Variants in HHIPL2 observed in about 807,000 individuals in gnomAD.
The protein encoded by HHIPL2 is HHIP like 2.
A neutral mutation model predicts 61.0 loss-of-function variants in HHIPL2; 61 were observed. The ratio of observed to expected loss-of-function variants is 1.00; its 90% CI spans 0.81 to 1.24. The LOEUF (loss-of-function observed/expected upper bound fraction) is 1.24, where lower values mean the gene tolerates loss of function less well. HHIPL2 is among the 50% of genes most tolerant of loss of function. The pLI, the probability that HHIPL2 is intolerant of heterozygous loss-of-function variation, is 0.00. For missense variants in HHIPL2, 885 were observed against 910.2 expected (o/e 0.97, Z 0.36); for synonymous variants, 343 against 357.4 (o/e 0.96, Z 0.45).
intron 5 of HHIPL2, among the ~76,000 whole-genome samples, chr1:222,538,209 T>C (rs1365686935): frequency 1.9e-5 from 1 of 52,992 alleles, no homozygotes; most frequent in Non-Finnish European, 3.8e-5. Context: ...TGTGTGTGTG[T>C]GTGTGTGTGT....
At chr1:222,527,326 C>T (rs979684011) in intron 6 of HHIPL2, among the ~76,000 whole-genome samples, 1 of 152,144 alleles carries the variant, frequency 6.6e-6, no homozygotes, top group African/African-American at 2.4e-5. Flanking sequence ...AACAGGTTTC[C>T]CCCTTATCAC....
intron 5 of HHIPL2, among the ~76,000 whole-genome samples, chr1:222,532,866 G>T (rs927900811): frequency 1.3e-5 from 2 of 152,040 alleles, no homozygotes; most frequent in Non-Finnish European, 2.9e-5. Flanking sequence ...ACTACTAACT[G>T]TTATTATTAT....
At chr1:222,527,117 C>A in intron 6 of HHIPL2, 67 bp from the exon 7 acceptor site, 1 of 1,260,076 alleles carries the variant, frequency 7.9e-7, no homozygotes, top group Non-Finnish European at 1.1e-6. Context: ...GAGTTGGATG[C>A]ACAGAAAATG....
At chr1:222,547,137 G>A (rs1659571474) in intron 1 of HHIPL2, among the ~76,000 whole-genome samples, 1 of 152,174 alleles carries the variant, frequency 6.6e-6, no homozygotes, top group East Asian at 1.9e-4. Flanking sequence ...TGGGCAACCA[G>A]GAGAAGCAGA....
intron 2 of HHIPL2, 149 bp downstream of exon 2, chr1:222,543,388 T>C: frequency 2.6e-6 from 2 of 771,712 alleles, no homozygotes; most frequent in Non-Finnish European, 4.3e-6. Context: ...AGAGGCTAAC[T>C]TGGGCCGTTC....
Position 222,544,462 on chromosome 1 carries a change from T to C in HHIPL2, c.322-273A>G, listed in dbSNP as rs534011922. On this transcript the variant is annotated intron_variant, in intron 1 of 8. Transcript: ENST00000343410. The stretch of plus-strand genomic sequence containing the variant: ...TGACATTTAAAGTTTTATTAAATGA[T>C]GCATGAATATTTTTTCAAAAAGATA... Among the ~76,000 whole-genome samples, 12 of 152,360 alleles carry C rather than the reference T, an allele frequency of 7.9e-5. No homozygotes were observed. The South Asian group carries it at 2.5e-3, about 32-fold the overall frequency.
At position 222,523,615 on chromosome 1, in the gene HHIPL2, C is replaced by T. The variant is rs774697746; in HGVS notation, c.1885G>A (p.Ala629Thr). The change falls in exon 8 of 9, where the codon GCC becomes ACC. Residue 629 changes from alanine to threonine, a missense_variant. Physicochemically the swap from Ala to Thr is moderately conservative, Grantham distance 58. Coordinates refer to ENST00000343410, the MANE Select transcript of HHIPL2 (RefSeq NM_024746.4). ...TAAGACTCAAAGATGGACTCACTGGCGAGTGGTCTGAACGGGATCCGCTTA... is the reference window on the plus strand; with the variant it reads ...TAAGACTCAAAGATGGACTCACTGGTGAGTGGTCTGAACGGGATCCGCTTA... The part of the protein sequence containing the change: ...KSKRIPFRPL[A>T]KTVLDLLKEQ... The T allele has an allele frequency of 5.6e-6, 9 of 1,613,930 alleles. No homozygotes were observed. In the East Asian group the frequency reaches 6.7e-5, roughly 12 times the overall value.
chr1:222,541,500 T>C (rs1322343971), intron 3 of HHIPL2, among the ~76,000 whole-genome samples: 1 of 152,200 alleles, frequency 6.6e-6, no homozygotes, highest in South Asian at 2.1e-4. Context: ...CTGTCCTGAG[T>C]GCTGGTGATA....
intron 6 of HHIPL2, among the ~76,000 whole-genome samples, chr1:222,531,759 TA>T (rs1456301076): frequency 6.6e-6 from 1 of 151,996 alleles, no homozygotes; most frequent in East Asian, 1.9e-4. Flanking sequence ...AAATAAAAAA[TA>T]ATTATATCGT....
chr1:222,533,911 G>T (rs74148120), intron 5 of HHIPL2, among the ~76,000 whole-genome samples: 1,769 of 152,308 alleles, frequency 0.012, 28 homozygotes, highest in African/African-American at 0.04. Context: ...AAGAATGCCA[G>T]AGAGCTGCAA....
chr1:222,540,073 CAT>C lies in HHIPL2; in HGVS notation c.1385_1386del (p.Tyr462TrpfsTer12). On this transcript the variant is annotated frameshift_variant, in exon 4 of 9. Coordinates refer to ENST00000343410, the MANE Select transcript of HHIPL2 (RefSeq NM_024746.4). LOFTEE classifies it high-confidence loss of function. ...GCAAACCCTTCCTTTGCTCTCCAGCCATAGTTTCCACCTTTCAAAATGAGGTC... is the reference window on the plus strand; with the variant it reads ...GCAAACCCTTCCTTTGCTCTCCAGCCAGTTTCCACCTTTCAAAATGAGGTC... ...EVDLILKGGN[Y>X]GWRAKEGFAC... 6.2e-7 allele frequency: 1 copy of C among 1,614,270 alleles called. No homozygotes were observed. The highest frequency in any genetic ancestry group is 1.1e-5 in the South Asian group (1 of 91,088).
rs367949229 is a variant in HHIPL2, at chr1:222,543,416, C to T, written c.974+121G>A. Reference sequence around the variant, plus strand: ...GGCCGTTCTCAATCCACAGTGACTCCTTTCTCAACAGTTCGAGTAGTGCTC... The same window carrying T: ...GGCCGTTCTCAATCCACAGTGACTCTTTTCTCAACAGTTCGAGTAGTGCTC... On this transcript the variant is annotated intron_variant, in intron 2 of 8. Coordinates refer to ENST00000343410, the MANE Select transcript of HHIPL2 (RefSeq NM_024746.4). 5.9e-6 allele frequency: 6 copies of T among 1,021,548 alleles called. No homozygotes were observed. In the South Asian group the frequency reaches 9.6e-5, roughly 16 times the overall value. 63.3% of individuals were successfully genotyped at this position (1,021,548 alleles called of 1,614,324 possible).
At chr1:222,543,135 C>T (rs544821611) in intron 2 of HHIPL2, among the ~76,000 whole-genome samples, 2 of 152,330 alleles carry the variant, frequency 1.3e-5, no homozygotes, top group South Asian at 2.1e-4. Flanking sequence ...AGCTTGATGG[C>T]CTTGTGCCAC....
chr1:222,526,991 A>G lies in HHIPL2; in HGVS notation c.1783T>C (p.Tyr595His). 1 of 1,613,620 alleles carries G rather than the reference A, an allele frequency of 6.2e-7. No individual in the cohort carries two copies. Among genetic ancestry groups the G allele is most frequent in the Non-Finnish European group, 8.5e-7 (1 of 1,179,766 alleles). ...PSAYAPRGSI[Y>H]KFVDPSRRAP... ...CACCTTGAGGGGTCAACAAACTTGT[A>G]AATAGATCCACGTGGTGCATAGGCA... is the stretch of plus-strand genomic sequence containing the variant. Residue 595 changes from tyrosine to histidine, a missense_variant, in exon 7 of 9, where the codon TAC becomes CAC. By Grantham distance (83) the Tyr-to-His change is moderately conservative. Coordinates refer to ENST00000343410, the MANE Select transcript of HHIPL2 (RefSeq NM_024746.4).
At position 222,532,129 on chromosome 1, in the gene HHIPL2, C is replaced by T. The variant is rs758924951; in HGVS notation, c.1578-18G>A. The T allele has an allele frequency of 3.2e-5, 51 of 1,604,256 alleles. No homozygotes were observed. The highest frequency in any genetic ancestry group is 1.5e-4 in the South Asian group (14 of 90,628). On this transcript the variant is annotated intron_variant, in intron 5 of 8. Transcript: ENST00000343410. ...TAAGTCGACTAGACAAAAAATAAAC[C>T]CTTATGTTTAGGAATCCATATATCC...
intron 5 of HHIPL2, among the ~76,000 whole-genome samples, chr1:222,537,324 G>A (rs1659320783): frequency 6.6e-6 from 1 of 150,908 alleles, no homozygotes; most frequent in South Asian, 2.1e-4. Flanking sequence ...ATATTGGTGT[G>A]ATGTTACTGT....
At chr1:222,543,153 A>T (rs1471205487) in intron 2 of HHIPL2, among the ~76,000 whole-genome samples, 1 of 152,230 alleles carries the variant, frequency 6.6e-6, no homozygotes, top group Non-Finnish European at 1.5e-5. Context: ...CACAGCTTCC[A>T]GTGAGAATAA....
rs754366578 is a variant in HHIPL2, at chr1:222,522,559, C to T, written c.*42G>A. 20 of 1,587,118 alleles carry T rather than the reference C, an allele frequency of 1.3e-5. No homozygotes were observed. The highest frequency in any genetic ancestry group is 1.6e-5 in the Non-Finnish European group (19 of 1,168,008). On this transcript the variant is annotated 3_prime_UTR_variant, in exon 9 of 9. Coordinates refer to ENST00000343410, the MANE Select transcript of HHIPL2 (RefSeq NM_024746.4). Reference sequence around the variant, plus strand: ...GTGACTTTCATTTGATGAGGTGGCTCTCCTCTCTCACGTCACCCTGTCGGC... The same window carrying T: ...GTGACTTTCATTTGATGAGGTGGCTTTCCTCTCTCACGTCACCCTGTCGGC...
chr1:222,532,468 G>C (rs920390805), intron 5 of HHIPL2, among the ~76,000 whole-genome samples: 22 of 152,042 alleles, frequency 1.4e-4, no homozygotes, highest in African/African-American at 5.1e-4. Context: ...ACAAAAATTA[G>C]CCAGGCAGGG....
Sources: allele counts gnomAD v4.1 joint callset (sites outside exome capture counted in the v4.1 genomes callset), GRCh38; gene constraint gnomAD v4.1.1; transcripts MANE v1.5; gene names NCBI Gene and HGNC (gene_info 2026-07-23, HGNC 2026-07-21).